Variants in LOC728743 observed in about 807,000 individuals in gnomAD.
the LOC728743 span, chr7:150,408,526 C>G: frequency 3.9e-6 from 1 of 253,880 alleles, no homozygotes; most frequent in Non-Finnish European, 7.5e-6. Flanking sequence ...CCTCTCAGGG[C>G]TGGGAGTGGT....
chr7:150,411,002 G>T, the LOC728743 span: 1 of 152,270 alleles, frequency 6.6e-6, no homozygotes, highest in East Asian at 1.9e-4. Flanking sequence ...CGAATGGTGC[G>T]TCAGGTTTCT....
the LOC728743 span, among the ~76,000 whole-genome samples, chr7:150,401,448 G>A: frequency 6.6e-6 from 1 of 152,166 alleles, no homozygotes; most frequent in Non-Finnish European, 1.5e-5. Context: ...GTGGGAGTGG[G>A]GGATGTGAAA....
chr7:150,405,641 A>G, the LOC728743 span: 2 of 151,502 alleles, frequency 1.3e-5, no homozygotes, highest in South Asian at 4.2e-4. Flanking sequence ...TGCGACGCAG[A>G]GTTTACCATA....
the LOC728743 span, chr7:150,412,299 T>C: frequency 6.6e-6 from 1 of 152,474 alleles, no homozygotes; most frequent in South Asian, 2.1e-4. Context: ...CAAAAGTGGA[T>C]GTCGGAGGCC....
At chr7:150,409,141 G>GGC in the LOC728743 span, among the ~76,000 whole-genome samples, 5 of 17,034 alleles carry the variant, frequency 2.9e-4, no homozygotes, top group African/African-American at 4.5e-4. Context: ...GTGTTTTCAA[G>GGC]GGAGGGGGGG....
chr7:150,410,382 C>G, the LOC728743 span: 1 of 390,080 alleles, frequency 2.6e-6, no homozygotes, highest in African/African-American at 2.1e-5. Flanking sequence ...GACAAACTCT[C>G]CAGGCCTGGT....
chr7:150,401,308 C>T, the LOC728743 span, among the ~76,000 whole-genome samples: 1 of 152,146 alleles, frequency 6.6e-6, no homozygotes, highest in Non-Finnish European at 1.5e-5. Flanking sequence ...GTTTGGTGTC[C>T]CACTGCCCAG....
the LOC728743 span, chr7:150,407,536 C>G: frequency 2.5e-6 from 1 of 398,102 alleles, no homozygotes; most frequent in African/African-American, 2.1e-5. Flanking sequence ...TGTTCCCCGA[C>G]CCCTCTCTCT....
the LOC728743 span, among the ~76,000 whole-genome samples, chr7:150,407,245 G>A: frequency 6.6e-6 from 1 of 152,178 alleles, no homozygotes; most frequent in African/African-American, 2.4e-5. Flanking sequence ...GGAGTCGGGG[G>A]ACAGAGGTGG....
At chr7:150,406,295 G>A in the LOC728743 span, among the ~76,000 whole-genome samples, 2 of 152,208 alleles carry the variant, frequency 1.3e-5, no homozygotes, top group Admixed American at 6.5e-5. Context: ...TGGGGTTGGG[G>A]AGAATGGATG....
chr7:150,406,103 G>A, the LOC728743 span, among the ~76,000 whole-genome samples: 1 of 152,152 alleles, frequency 6.6e-6, no homozygotes. Flanking sequence ...AAGACTTGTG[G>A]GTGGGGTCTC....
the LOC728743 span, among the ~76,000 whole-genome samples, chr7:150,401,369 G>A: frequency 5.3e-5 from 8 of 152,226 alleles, no homozygotes; most frequent in East Asian, 1.2e-3. Flanking sequence ...AGAGGCAGCC[G>A]CTCAGCCATG....
chr7:150,405,599 T>C, the LOC728743 span: 2 of 147,732 alleles, frequency 1.4e-5, no homozygotes, highest in Admixed American at 6.7e-5. Context: ...GGCAGCAGGG[T>C]GGAGGCCTAC....
the LOC728743 span, chr7:150,407,782 G>A: frequency 5.0e-6 from 2 of 401,514 alleles, no homozygotes; most frequent in East Asian, 3.6e-5. Context: ...GGCACCAGAA[G>A]GCGCACGCCG....
the LOC728743 span, chr7:150,410,615 A>C: frequency 6.1e-6 from 1 of 164,598 alleles, no homozygotes; most frequent in African/African-American, 2.4e-5. Flanking sequence ...CCAGATGTGA[A>C]TGAAACCTGC....
At chr7:150,405,360 AC>A in the LOC728743 span, 1 of 152,054 alleles carries the variant, frequency 6.6e-6, no homozygotes, top group Non-Finnish European at 1.5e-5. Flanking sequence ...GCGGGAGGTT[AC>A]CGTATTTACC....
the LOC728743 span, chr7:150,408,393 T>C: frequency 1.1e-5 from 4 of 361,520 alleles, no homozygotes; most frequent in Admixed American, 9.3e-5. Context: ...GGCCGCCCGC[T>C]CGCGTTCCTC....
At chr7:150,403,922 G>C in the LOC728743 span, among the ~76,000 whole-genome samples, 2 of 152,234 alleles carry the variant, frequency 1.3e-5, no homozygotes, top group Admixed American at 1.3e-4. The surrounding 1 kb of genome is among the most constrained non-coding windows in gnomAD (Gnocchi z 5.1). Flanking sequence ...CTGGTGTTGG[G>C]AGGAAGGGGC....
the LOC728743 span, among the ~76,000 whole-genome samples, chr7:150,408,945 G>C: frequency 6.6e-5 from 10 of 152,306 alleles, no homozygotes; most frequent in East Asian, 1.9e-3. Context: ...ACACACATGA[G>C]GACCGCAGGC....
Sources: gnomAD v4.1 joint callset for allele counts (sites outside exome capture counted in the v4.1 genomes callset) on GRCh38, gnomAD v4.1.1 for gene constraint, Gnocchi (gnomAD v3.1) non-coding constraint, MANE v1.5 for transcripts.